TBX20: variants seen among roughly 807,000 people sequenced by gnomAD.
The protein encoded by TBX20 is T-box transcription factor 20.
A neutral mutation model predicts 42.9 loss-of-function variants in TBX20; 8 were observed. That is an observed-to-expected ratio of 0.19 (90% CI 0.11 to 0.34). The LOEUF is 0.34. Ranked by LOEUF, TBX20 falls within the 10% of genes least tolerant of loss-of-function variation. TBX20 has a pLI of 1.00. For synonymous variants in TBX20, 198 were observed against 222.8 expected (o/e 0.89, Z 0.99); for missense variants, 411 against 566.0 (o/e 0.73, Z 2.78).
chr7:35,207,019 T>C (rs1168992004), intron 6 of TBX20, among the ~76,000 whole-genome samples: 2 of 152,200 alleles, frequency 1.3e-5, no homozygotes, highest in African/African-American at 2.4e-5. Flanking sequence ...ATACTTTTAT[T>C]TATCTTGGAA....
chr7:35,248,267 T>G lies in TBX20; in HGVS notation c.545+410A>C, dbSNP rs572945934. ...AACAAATACTTACTGTAAGCAACGA[T>G]TTTACTAAAATACACTCTTCTAAAA... On this transcript the variant is annotated intron_variant, in intron 3 of 7. Transcript: ENST00000408931. Among the ~76,000 whole-genome samples, 448 of 152,308 alleles carry G rather than the reference T, an allele frequency of 2.9e-3. 2 individuals carry two copies. Among genetic ancestry groups the G allele is most frequent in the African/African-American group, 0.01 (424 of 41,568 alleles).
chr7:35,245,128 C>T, intron 3 of TBX20, 71 bp from the exon 4 acceptor site: 1 of 1,164,272 alleles, frequency 8.6e-7, no homozygotes. Flanking sequence ...ATAAAATGTT[C>T]TAATTCTAAG....
chr7:35,245,490 T>A (rs1183996982), intron 3 of TBX20, among the ~76,000 whole-genome samples: 1 of 152,208 alleles, frequency 6.6e-6, no homozygotes, highest in African/African-American at 2.4e-5. Flanking sequence ...AGTGAAAACA[T>A]AAATAATTTA....
intron 5 of TBX20, among the ~76,000 whole-genome samples, chr7:35,239,817 T>C (rs1790039895): frequency 6.6e-6 from 1 of 152,098 alleles, no homozygotes; most frequent in Admixed American, 6.6e-5. Context: ...AGTGGTGAGA[T>C]CTCTGCTCAC....
chr7:35,248,946 A>G, intron 2 of TBX20, 105 bp from the exon 3 acceptor site: 3 of 1,358,780 alleles, frequency 2.2e-6, no homozygotes, highest in Non-Finnish European at 3.1e-6. Flanking sequence ...AAAGGGTCTG[A>G]CTCCCCTCTC....
At chr7:35,203,637 C>A (rs932606779) in intron 7 of TBX20, among the ~76,000 whole-genome samples, 2 of 152,146 alleles carry the variant, frequency 1.3e-5, no homozygotes, top group Non-Finnish European at 2.9e-5. Flanking sequence ...GGCTTCTGAT[C>A]AACAGTAGGC....
At chr7:35,204,873 T>G (rs1224602608) in intron 6 of TBX20, among the ~76,000 whole-genome samples, 4 of 152,158 alleles carry the variant, frequency 2.6e-5, no homozygotes, top group African/African-American at 9.7e-5. Context: ...CTATGAAACC[T>G]GACCACAAGA....
chr7:35,240,724 A>G (rs1401431051), intron 5 of TBX20, among the ~76,000 whole-genome samples, 155 bp downstream of exon 5: 2 of 129,564 alleles, frequency 1.5e-5, no homozygotes, highest in Admixed American at 1.7e-4. Context: ...CAGTCACTCA[A>G]CACACTCTTA....
intron 6 of TBX20, among the ~76,000 whole-genome samples, chr7:35,224,337 T>G (rs1789734111): frequency 6.6e-6 from 1 of 152,190 alleles, no homozygotes; most frequent in African/African-American, 2.4e-5. Flanking sequence ...AAATAAAATA[T>G]AAGTAGTTTA....
At chr7:35,208,237 T>A (rs968392838) in intron 6 of TBX20, among the ~76,000 whole-genome samples, 1 of 152,248 alleles carries the variant, frequency 6.6e-6, no homozygotes, top group Non-Finnish European at 1.5e-5. Flanking sequence ...TAGATAGAAA[T>A]ACAATTTATT....
intron 5 of TBX20, 117 bp downstream of exon 5, chr7:35,240,762 T>C (rs1790060397): frequency 1.1e-6 from 1 of 925,174 alleles, no homozygotes. Flanking sequence ...ACTCAATAGC[T>C]CTCTGCAAAG....
chr7:35,239,344 T>G (rs145116429), intron 5 of TBX20, among the ~76,000 whole-genome samples: 3,839 of 152,156 alleles, frequency 0.025, 142 homozygotes, highest in African/African-American at 0.087. Flanking sequence ...AGCTACTCAC[T>G]CAGAACCCAA....
chr7:35,223,200 G>A (rs2908047), intron 6 of TBX20, among the ~76,000 whole-genome samples: 79,931 of 150,960 alleles, frequency 0.53, 21,236 homozygotes, highest in Admixed American at 0.61. Context: ...GGAAGGATGC[G>A]GTTATGAGCA....
At chr7:35,237,572 T>G (rs1200904842) in intron 5 of TBX20, among the ~76,000 whole-genome samples, 1 of 150,948 alleles carries the variant, frequency 6.6e-6, no homozygotes, top group Admixed American at 6.7e-5. Flanking sequence ...CGTTTGCATA[T>G]AGAGAGAGGA....
At chr7:35,215,033 C>T (rs1422965045) in intron 6 of TBX20, among the ~76,000 whole-genome samples, 1 of 152,258 alleles carries the variant, frequency 6.6e-6, no homozygotes, top group Middle Eastern at 3.4e-3. Context: ...AAAAAGCCCA[C>T]TTAATAAGAT....
chr7:35,247,971 T>C (rs1372697984), intron 3 of TBX20, among the ~76,000 whole-genome samples: 1 of 152,194 alleles, frequency 6.6e-6, no homozygotes, highest in African/African-American at 2.4e-5. Context: ...GGTTTGCATG[T>C]GCTTTTTTAA....
chr7:35,252,380 AT>A (rs10713208), intron 1 of TBX20, among the ~76,000 whole-genome samples: 57,813 of 145,776 alleles, frequency 0.4, 11,319 homozygotes, highest in Admixed American at 0.49. Flanking sequence ...TAGAGGACAG[AT>A]TTTTTTTTTT....
intron 3 of TBX20, among the ~76,000 whole-genome samples, chr7:35,247,477 T>G (rs1241704845): frequency 6.6e-6 from 1 of 152,152 alleles, no homozygotes; most frequent in African/African-American, 2.4e-5. Flanking sequence ...CTTCCGAGAA[T>G]GGAAAACTCT....
chr7:35,248,168 G>A (rs1477151498), intron 3 of TBX20, among the ~76,000 whole-genome samples: 1 of 152,064 alleles, frequency 6.6e-6, no homozygotes, highest in African/African-American at 2.4e-5. Flanking sequence ...AAAAATCTCT[G>A]AACCTTTATT....
Sources: gnomAD v4.1 joint callset for allele counts (sites outside exome capture counted in the v4.1 genomes callset) on GRCh38, gnomAD v4.1.1 for gene constraint, MANE v1.5 for transcripts, NCBI Gene and HGNC (gene_info 2026-07-23, HGNC 2026-07-21) for gene names.